Variants in DENND2B observed in about 807,000 individuals in gnomAD.
The protein encoded by DENND2B is DENN domain containing 2B, also known as DENN domain-containing protein 2B.
A neutral mutation model predicts 116.0 loss-of-function variants in DENND2B; 32 were observed. The ratio of observed to expected loss-of-function variants is 0.28; its 90% CI spans 0.21 to 0.37. The LOEUF (loss-of-function observed/expected upper bound fraction) is 0.37, where lower values mean the gene tolerates loss of function less well. Ranked by LOEUF, DENND2B falls within the 10% of genes least tolerant of loss-of-function variation. DENND2B has a pLI of 1.00. For missense variants in DENND2B, 1,276 were observed against 1,477.7 expected (o/e 0.86, Z 2.24); for synonymous variants, 588 against 583.9 (o/e 1.01, Z -0.10).
upstream of DENND2B, among the ~76,000 whole-genome samples, chr11:8,874,577 AATG>A: frequency 6.6e-6 from 1 of 152,228 alleles, no homozygotes; most frequent in Non-Finnish European, 1.5e-5. Flanking sequence ...CTCACGAAAC[AATG>A]ATTTCTTCCT....
chr11:8,792,523 A>G (rs1045561963), intron 1 of DENND2B, among the ~76,000 whole-genome samples: 8 of 152,236 alleles, frequency 5.3e-5, no homozygotes, highest in African/African-American at 1.9e-4. Context: ...AATTATCAGC[A>G]ACACATATGG....
At chr11:8,722,532 G>A (rs1389449647) in intron 4 of DENND2B, among the ~76,000 whole-genome samples, 1 of 152,164 alleles carries the variant, frequency 6.6e-6, no homozygotes, top group Non-Finnish European at 1.5e-5. Context: ...GCCATTCTGA[G>A]TTCAGCAATA....
intron 6 of DENND2B, among the ~76,000 whole-genome samples, chr11:8,715,250 C>T (rs911605379): frequency 1.3e-5 from 2 of 152,160 alleles, no homozygotes; most frequent in African/African-American, 2.4e-5. Context: ...TTCTTCAATG[C>T]TGAGAGTTAT....
At chr11:8,728,661 C>A (rs556323694) in intron 3 of DENND2B, among the ~76,000 whole-genome samples, 1 of 152,338 alleles carries the variant, frequency 6.6e-6, no homozygotes, top group South Asian at 2.1e-4. Flanking sequence ...CAGCAACTCC[C>A]TCTATGAGGA....
At chr11:8,710,035 CTGAA>C (rs1304117291) in intron 11 of DENND2B, among the ~76,000 whole-genome samples, 1 of 152,174 alleles carries the variant, frequency 6.6e-6, no homozygotes, top group East Asian at 1.9e-4. Context: ...ATAAGTGTTT[CTGAA>C]TGAATGAATG....
intron 4 of DENND2B, among the ~76,000 whole-genome samples, chr11:8,817,890 T>C (rs1296495449): frequency 6.6e-6 from 1 of 151,846 alleles, no homozygotes; most frequent in African/African-American, 2.4e-5. Context: ...CACATAAACA[T>C]AGGCTTCCAG....
At position 8,726,131 on chromosome 11, in the gene DENND2B, G is replaced by A. The variant is rs768432788; in HGVS notation, c.1419C>T (p.Asn473=). ...PSSPTENGTE[N]QPKFGSKSTL... is the part of the protein sequence containing the mutation. ...TGCTTTTGGATCCAAACTTGGGTTG[G>A]TTCTCAGTACCATTCTCAGTGGGAG... is the stretch of plus-strand genomic sequence containing the variant. The change falls in exon 4 of 20, where the codon AAC becomes AAT. Residue 473 remains asparagine, a synonymous_variant. Coordinates refer to ENST00000313726, the MANE Select transcript of DENND2B (RefSeq NM_213618.2). 1.9e-6 allele frequency: 3 copies of A among 1,614,006 alleles called. No individual in the cohort carries two copies. The South Asian group carries it at 3.3e-5, about 18-fold the overall frequency.
intron 1 of DENND2B, among the ~76,000 whole-genome samples, chr11:8,754,579 T>C (rs1565856756): frequency 6.6e-6 from 1 of 152,206 alleles, no homozygotes; most frequent in Non-Finnish European, 1.5e-5. Flanking sequence ...AGGTATCTGT[T>C]CAGAAGAAAT....
chr11:8,706,954 T>TGGGGTACAC, intron 13 of DENND2B, 131 bp downstream of exon 13: 1 of 1,178,530 alleles, frequency 8.5e-7, no homozygotes, highest in Non-Finnish European at 1.2e-6. Context: ...TCCCTAGTGA[T>TGGGGTACAC]GGGGTACACA....
intron 1 of DENND2B, among the ~76,000 whole-genome samples, chr11:8,760,796 G>C (rs540034478): frequency 1.8e-4 from 27 of 152,224 alleles, no homozygotes; most frequent in African/African-American, 6.5e-4. Flanking sequence ...AAATGTAATG[G>C]GGATAGTGAG....
At position 8,730,660 on chromosome 11, in the gene DENND2B, C is replaced by T. The variant is rs757972023; in HGVS notation, c.630G>A (p.Val210=). 28 of 1,612,356 alleles carry T rather than the reference C, an allele frequency of 1.7e-5. No individual in the cohort carries two copies. The highest frequency in any genetic ancestry group is 2.1e-5 in the Non-Finnish European group (25 of 1,179,842). Residue 210 remains valine, a synonymous_variant, in exon 3 of 20, where the codon GTG becomes GTA. Transcript: ENST00000313726. This position sits in a 1 kb window ranked among gnomAD's most constrained non-coding sequence, Gnocchi z 4.1. ...GCPSLGCPSV[V]PSPCSSEKTF... is the part of the protein sequence containing the mutation. ...TCTTTTCAGAGCTGCAGGGGGACGG[C>T]ACCACGCTGGGACAGCCCAGGCTGG...
intron 4 of DENND2B, among the ~76,000 whole-genome samples, chr11:8,724,969 C>A (rs2046839425): frequency 6.6e-6 from 1 of 152,248 alleles, no homozygotes; most frequent in Non-Finnish European, 1.5e-5. Flanking sequence ...CTTCTCCACA[C>A]CGCCCCATGG....
intron 2 of DENND2B, among the ~76,000 whole-genome samples, chr11:8,879,646 T>A (rs1264422638): frequency 6.6e-6 from 1 of 152,172 alleles, no homozygotes; most frequent in African/African-American, 2.4e-5. Context: ...TTATAAATTC[T>A]TTAAAGAATA....
intron 1 of DENND2B, among the ~76,000 whole-genome samples, chr11:8,805,493 C>CACATACACCA (rs1336379612): frequency 6.6e-6 from 1 of 152,160 alleles, no homozygotes; most frequent in Non-Finnish European, 1.5e-5. Context: ...CTATGACTCC[C>CACATACACCA]TCCCACATAC....
intron 2 of DENND2B, among the ~76,000 whole-genome samples, chr11:8,858,750 G>A (rs1367330085): frequency 2.0e-5 from 3 of 152,190 alleles, no homozygotes; most frequent in South Asian, 2.1e-4. Context: ...TGAACCAGTC[G>A]AGGGCTTGGC....
chr11:8,714,839 G>A, intron 6 of DENND2B, 133 bp from the exon 7 acceptor site: 1 of 717,782 alleles, frequency 1.4e-6, no homozygotes, highest in South Asian at 1.8e-5. Context: ...GTCCAGGACT[G>A]GTCTAACTGC....
upstream of DENND2B, among the ~76,000 whole-genome samples, chr11:8,872,188 G>A (rs2063791403): frequency 6.6e-6 from 1 of 152,138 alleles, no homozygotes; most frequent in Non-Finnish European, 1.5e-5. Flanking sequence ...AAAATAATGA[G>A]TTTAAGATAC....
chr11:8,897,893 C>T (rs2134754038), intron 1 of DENND2B, among the ~76,000 whole-genome samples: 1 of 152,226 alleles, frequency 6.6e-6, no homozygotes, highest in East Asian at 1.9e-4. Flanking sequence ...TCCAGCAATC[C>T]TCCCACAGTT....
chr11:8,743,968 C>T (rs1006677319), intron 2 of DENND2B, among the ~76,000 whole-genome samples: 24 of 151,156 alleles, frequency 1.6e-4, no homozygotes, highest in Non-Finnish European at 2.7e-4. Flanking sequence ...AGGCTGGTAT[C>T]GAACTCCTGA....
Sources: allele counts gnomAD v4.1 joint callset (sites outside exome capture counted in the v4.1 genomes callset), GRCh38; gene constraint gnomAD v4.1.1; non-coding constraint Gnocchi (gnomAD v3.1); transcripts MANE v1.5; gene names NCBI Gene and HGNC (gene_info 2026-07-23, HGNC 2026-07-21).